Variants in TRIM44 observed in about 807,000 individuals in gnomAD.
TRIM44 encodes tripartite motif containing 44.
TRIM44 carries 13 observed loss-of-function variants against 37.4 expected under a neutral mutation model. That is an observed-to-expected ratio of 0.35 (90% CI 0.23 to 0.55). The LOEUF is 0.55. Ranked by LOEUF, TRIM44 falls within the 20% of genes least tolerant of loss-of-function variation. The pLI, the probability that TRIM44 is intolerant of heterozygous loss-of-function variation, is 0.89. For missense variants in TRIM44, 426 were observed against 437.2 expected (o/e 0.97, Z 0.23); for synonymous variants, 175 against 157.2 (o/e 1.11, Z -0.85).
intron 2 of TRIM44, among the ~76,000 whole-genome samples, chr11:35,697,660 G>A (rs1203546546): frequency 6.6e-6 from 1 of 151,396 alleles, no homozygotes; most frequent in African/African-American, 2.4e-5. Flanking sequence ...GTGTCCATGT[G>A]TTCTCATTGT....
chr11:35,720,481 C>T (rs1461293399), intron 2 of TRIM44, among the ~76,000 whole-genome samples: 3 of 148,836 alleles, frequency 2.0e-5, no homozygotes, highest in African/African-American at 7.4e-5. Context: ...ATCTTATCAT[C>T]TGCAAAGACA....
chr11:35,806,260 G>C, intron 4 of TRIM44, 98 bp from the exon 5 acceptor site: 1 of 1,326,360 alleles, frequency 7.5e-7, no homozygotes, highest in Non-Finnish European at 1.1e-6. Flanking sequence ...CTTAATTCCA[G>C]GTATGTCTGA....
intron 4 of TRIM44, among the ~76,000 whole-genome samples, chr11:35,802,230 A>G (rs1231654735): frequency 6.6e-6 from 1 of 152,202 alleles, no homozygotes; most frequent in Non-Finnish European, 1.5e-5. Flanking sequence ...TTGAATTTGA[A>G]GTGTTAGATC....
At position 35,663,124 on chromosome 11, in the gene TRIM44, G is replaced by A. The variant is rs757064411; in HGVS notation, c.13G>A (p.Val5Met). Reference protein sequence around the residue: MASGVGAAFEELPHD... With the variant: MASGMGAAFEELPHD... ...TCACAGCACCCACATGGCCTCTGGA[G>A]TGGGCGCGGCCTTCGAGGAACTGCC... Residue 5 changes from valine (V) to methionine (M), a missense_variant, in exon 1 of 5, where the codon GTG (valine) becomes ATG (methionine). Transcript: ENST00000299413. The A allele has an allele frequency of 2.0e-6, 3 of 1,526,846 alleles. No homozygotes were observed. The highest frequency in any genetic ancestry group is 1.8e-6 in the Non-Finnish European group (2 of 1,141,170). The allele number at this position is 1,526,846 out of a possible 1,614,324, so 94.6% of individuals were successfully genotyped here. A position where few individuals can be genotyped will look rare whatever the true frequency, so the allele number is the denominator to read the frequency against.
At chr11:35,756,779 G>A (rs188776145) in intron 4 of TRIM44, among the ~76,000 whole-genome samples, 1,965 of 152,154 alleles carry the variant, frequency 0.013, 47 homozygotes, top group African/African-American at 0.045. Context: ...GGTTTTTGTC[G>A]TTGGTTCTGT....
At chr11:35,715,444 G>T (rs1485724703) in intron 2 of TRIM44, among the ~76,000 whole-genome samples, 1 of 151,738 alleles carries the variant, frequency 6.6e-6, no homozygotes, top group Non-Finnish European at 1.5e-5. Context: ...GTGGGTGTGG[G>T]TGTACACAAG....
intron 4 of TRIM44, among the ~76,000 whole-genome samples, chr11:35,771,459 C>T (rs1303115646): frequency 6.6e-6 from 1 of 152,160 alleles, no homozygotes; most frequent in Non-Finnish European, 1.5e-5. Context: ...CGCACGGTGG[C>T]TCATGCCTGT....
intron 1 of TRIM44, among the ~76,000 whole-genome samples, chr11:35,664,441 T>G (rs532392610): frequency 9.2e-5 from 14 of 152,334 alleles, no homozygotes; most frequent in Non-Finnish European, 2.1e-4. Flanking sequence ...GTTGAATGAA[T>G]GAATTTGCAG....
In TRIM44 at chr11:35,662,995, C is replaced by T. The variant is rs1400981571; in HGVS notation, c.-117C>T. The T allele has an allele frequency of 7.1e-7, 1 of 1,408,406 alleles. No individual in the cohort carries two copies. The highest frequency in any genetic ancestry group is 3.0e-5 in the Admixed American group (1 of 32,808). The allele number at this position is 1,408,406 out of a possible 1,614,324, so 87.2% of individuals were successfully genotyped here. On this transcript the variant is annotated 5_prime_UTR_variant, in exon 1 of 5. Coordinates refer to ENST00000299413, the MANE Select transcript of TRIM44 (RefSeq NM_017583.6). Reference sequence around the variant, plus strand: ...TCCCGCTTCGAGACGCGGCGCGGTCCAGGCGGGAGGCGACTCCCTAGGAAG... The same window carrying T: ...TCCCGCTTCGAGACGCGGCGCGGTCTAGGCGGGAGGCGACTCCCTAGGAAG...
chr11:35,720,421 T>C (rs895863918), intron 2 of TRIM44, among the ~76,000 whole-genome samples: 3 of 151,406 alleles, frequency 2.0e-5, no homozygotes, highest in African/African-American at 4.8e-5. Flanking sequence ...TTTTTCTTTT[T>C]TTTTTTTCCT....
intron 4 of TRIM44, among the ~76,000 whole-genome samples, chr11:35,765,393 A>G (rs1852784130): frequency 6.6e-6 from 1 of 152,226 alleles, no homozygotes; most frequent in African/African-American, 2.4e-5. Flanking sequence ...AAGCAGAGTA[A>G]AATATGACTA....
chr11:35,736,604 C>T (rs191912638), intron 4 of TRIM44, among the ~76,000 whole-genome samples: 2 of 152,236 alleles, frequency 1.3e-5, no homozygotes, highest in Admixed American at 6.5e-5. Flanking sequence ...CAAATGTTGT[C>T]CCACATCTGC....
intron 2 of TRIM44, among the ~76,000 whole-genome samples, chr11:35,686,560 GT>G (rs1263591134): frequency 1.3e-5 from 2 of 151,700 alleles, no homozygotes; most frequent in Non-Finnish European, 2.9e-5. Context: ...GTTTGTTTTT[GT>G]TTTTTGTTTT....
Position 35,812,237 on chromosome 11 carries a change from T to A in TRIM44, c.*5852T>A, listed in dbSNP as rs1853536732. The A allele has an allele frequency of 6.6e-6, 1 of 152,222 alleles. No individual in the cohort carries two copies. The highest frequency in any genetic ancestry group is 1.5e-5 in the Non-Finnish European group (1 of 68,030). The allele number at this position is 152,222 out of a possible 1,614,324, so 9.4% of individuals were successfully genotyped here. ...CTCATAAAAAGGTAGAATTTCAGCTTGTCTGGAATATCTCCTGGCCTTCAC... is the reference window on the plus strand; with the variant it reads ...CTCATAAAAAGGTAGAATTTCAGCTAGTCTGGAATATCTCCTGGCCTTCAC... On this transcript the variant is annotated 3_prime_UTR_variant, in exon 5 of 5. Coordinates refer to ENST00000299413, the MANE Select transcript of TRIM44 (RefSeq NM_017583.6).
intron 2 of TRIM44, among the ~76,000 whole-genome samples, chr11:35,691,460 A>G (rs1851635188): frequency 6.6e-6 from 1 of 152,224 alleles, no homozygotes; most frequent in African/African-American, 2.4e-5. Flanking sequence ...TAAACCCATT[A>G]TAAGTTGAAA....
chr11:35,740,853 A>G (rs1017682936), intron 4 of TRIM44, among the ~76,000 whole-genome samples: 2 of 152,176 alleles, frequency 1.3e-5, no homozygotes, highest in East Asian at 3.8e-4. Flanking sequence ...CAACCTGCTT[A>G]CAGATTCTAT....
chr11:35,792,111 ACT>A (rs775490025), intron 4 of TRIM44, among the ~76,000 whole-genome samples: 194 of 114,350 alleles, frequency 1.7e-3, no homozygotes, highest in African/African-American at 6.5e-3. Context: ...ACACACACAC[ACT>A]CTCTCTCATC....
At chr11:35,723,525 G>A (rs1427395159) in intron 2 of TRIM44, among the ~76,000 whole-genome samples, 7 of 152,068 alleles carry the variant, frequency 4.6e-5, no homozygotes, top group Admixed American at 3.3e-4. Flanking sequence ...TTTGTAAAGC[G>A]GATTATTTTT....
Position 35,732,386 on chromosome 11 carries a change from G to A in TRIM44, c.988-3040G>A, listed in dbSNP as rs139127450. ...CTAACAAGTCATTTAAATGGAAGTT[G>A]GTATTTAATAGACTCTCACTTCTGA... On this transcript the variant is annotated intron_variant, in intron 3 of 4. Transcript: ENST00000299413. Among the ~76,000 whole-genome samples, 151 of 152,138 alleles carry A rather than the reference G, an allele frequency of 9.9e-4. 1 individual carries two copies. In the East Asian group the frequency reaches 0.026, roughly 26 times the overall value.
Sources: gnomAD v4.1 joint callset for allele counts (sites outside exome capture counted in the v4.1 genomes callset) on GRCh38, gnomAD v4.1.1 for gene constraint, MANE v1.5 for transcripts, NCBI Gene and HGNC (gene_info 2026-07-23, HGNC 2026-07-21) for gene names.